MAPK14: variants seen among roughly 807,000 people sequenced by gnomAD.
The protein encoded by MAPK14 is CSAID-binding protein.
MAPK14 carries 16 observed loss-of-function variants against 49.6 expected under a neutral mutation model. The observed-to-expected ratio is 0.32, with a 90% CI of 0.22 to 0.49. The LOEUF (loss-of-function observed/expected upper bound fraction) is 0.49. Among genes scored for constraint, MAPK14 ranks in the 20% least tolerant of loss-of-function variants. The pLI is 0.99. For synonymous variants in MAPK14, 142 were observed against 158.0 expected (o/e 0.90, Z 0.76); for missense variants, 200 against 441.2 (o/e 0.45, Z 4.90).
intron 9 of MAPK14, chr6:36,096,605 G>A (rs1765454099): frequency 6.6e-6 from 1 of 152,340 alleles, no homozygotes; most frequent in Non-Finnish European, 1.5e-5. Context: ...CATATCCTAT[G>A]TAAAATGTTT....
intron 2 of MAPK14, among the ~76,000 whole-genome samples, chr6:36,055,917 T>C (rs925286070): frequency 5.3e-5 from 8 of 152,182 alleles, no homozygotes; most frequent in Non-Finnish European, 1.0e-4. Flanking sequence ...TGAGGGATAT[T>C]TTGTAAAAAC....
downstream of MAPK14, among the ~76,000 whole-genome samples, chr6:36,111,918 G>A (rs1765980639): frequency 6.6e-6 from 1 of 152,172 alleles, no homozygotes; most frequent in Non-Finnish European, 1.5e-5. Context: ...TTAAGAATCA[G>A]ACAGTTGGCC....
intron 9 of MAPK14, among the ~76,000 whole-genome samples, chr6:36,098,570 A>T (rs1305021750): frequency 6.6e-6 from 1 of 152,202 alleles, no homozygotes; most frequent in Non-Finnish European, 1.5e-5. Context: ...TAAATTAGAT[A>T]AAAAAGCGAA....
intron 7 of MAPK14, 98 bp downstream of exon 7, chr6:36,076,060 C>A: frequency 1.6e-6 from 2 of 1,252,322 alleles, no homozygotes; most frequent in East Asian, 2.5e-5. Context: ...GAAGAAATGT[C>A]TTTTCTTCCC....
intron 1 of MAPK14, among the ~76,000 whole-genome samples, chr6:36,051,575 A>G (rs28411277): frequency 1.3e-5 from 2 of 151,796 alleles, no homozygotes; most frequent in Non-Finnish European, 2.9e-5. Context: ...CCAGCATGCC[A>G]TACGTTTCCT....
intron 1 of MAPK14, among the ~76,000 whole-genome samples, chr6:36,043,451 T>G (rs1763045205): frequency 6.6e-6 from 1 of 152,244 alleles, no homozygotes. Flanking sequence ...AAGACGTTAT[T>G]TCCAAAATGG....
At chr6:36,085,550 C>T (rs1764946661) in intron 8 of MAPK14, among the ~76,000 whole-genome samples, 1 of 152,048 alleles carries the variant, frequency 6.6e-6, no homozygotes, top group African/African-American at 2.4e-5. Context: ...GACTTTGAAC[C>T]AGCAAATATC....
chr6:36,039,410 T>C (rs540262686), intron 1 of MAPK14, among the ~76,000 whole-genome samples: 1 of 152,290 alleles, frequency 6.6e-6, no homozygotes, highest in East Asian at 1.9e-4. Context: ...CTTATTTTCC[T>C]CAAAACTTAC....
Position 36,092,392 on chromosome 6 carries a change from T to C in MAPK14, c.683-3595T>C, listed in dbSNP as rs1765270333. On this transcript the variant is annotated intron_variant, in intron 8 of 11. Transcript: ENST00000229794. The stretch of plus-strand genomic sequence containing the variant: ...GGGAACTCTATGCAGTAGCCACCCA[T>C]TGGTGGTCAGGACTGTTTCACCAGA... 4 of 674,170 alleles carry C rather than the reference T, an allele frequency of 5.9e-6. No homozygotes were observed. The Middle Eastern group carries it at 7.8e-4, about 132-fold the overall frequency. The allele number at this position is 674,170 out of a possible 1,614,324, so 41.8% of individuals were successfully genotyped here.
At chr6:36,070,076 G>T (rs1324657441) in intron 3 of MAPK14, among the ~76,000 whole-genome samples, 1 of 152,156 alleles carries the variant, frequency 6.6e-6, no homozygotes, top group African/African-American at 2.4e-5. Context: ...CAGTAACTGT[G>T]ATTAGGACAG....
chr6:36,087,170 C>T (rs2127457843), intron 8 of MAPK14, among the ~76,000 whole-genome samples: 1 of 152,236 alleles, frequency 6.6e-6, no homozygotes, highest in East Asian at 1.9e-4. Flanking sequence ...TAAGACAAAC[C>T]CACAGCCAGT....
At chr6:36,063,818 G>T (rs185000787) in intron 3 of MAPK14, among the ~76,000 whole-genome samples, 143 of 152,276 alleles carry the variant, frequency 9.4e-4, no homozygotes, top group Non-Finnish European at 1.7e-3. Flanking sequence ...ACCATAGGAT[G>T]TGGTTGTACA....
downstream of MAPK14, among the ~76,000 whole-genome samples, chr6:36,115,448 G>T (rs1211422283): frequency 6.6e-6 from 1 of 152,154 alleles, no homozygotes; most frequent in Non-Finnish European, 1.5e-5. Context: ...AAAATATAAT[G>T]ATCCAATATA....
rs1239593864 is a variant in MAPK14 at position 36,075,780 on chromosome 6, G to T, written c.496-68G>T. On this transcript the variant is annotated intron_variant, in intron 6 of 11. Transcript: ENST00000229794. ...CAACAGAGGTTTGTTTGTTGTTGTTGTTTTGTTTTTTTTTCCCTGCCTGTT... is the reference window on the plus strand; with the variant it reads ...CAACAGAGGTTTGTTTGTTGTTGTTTTTTTGTTTTTTTTTCCCTGCCTGTT... 2.5e-6 allele frequency: 4 copies of T among 1,605,674 alleles called. No individual in the cohort carries two copies. In the Admixed American group the frequency reaches 6.7e-5, roughly 27 times the overall value.
chr6:36,122,972 G>C, the MAPK14 span, among the ~76,000 whole-genome samples: 1 of 152,162 alleles, frequency 6.6e-6, no homozygotes, highest in Non-Finnish European at 1.5e-5. Context: ...GGGGAAGCGG[G>C]TGGTGTGCAG....
intron 1 of MAPK14, among the ~76,000 whole-genome samples, chr6:36,033,176 A>T (rs1762607461): frequency 6.6e-6 from 1 of 152,212 alleles, no homozygotes; most frequent in African/African-American, 2.4e-5. Context: ...AGTTGCCTGT[A>T]TGTTACCAGT....
At chr6:36,111,879 G>T (rs564779553), downstream of MAPK14, among the ~76,000 whole-genome samples, 31 of 152,262 alleles carry the variant, frequency 2.0e-4, no homozygotes, top group African/African-American at 6.7e-4. Context: ...AAAGGGCCCC[G>T]GTTGTTACAT....
intron 8 of MAPK14, among the ~76,000 whole-genome samples, chr6:36,086,405 G>T (rs1764987245): frequency 6.6e-6 from 1 of 151,984 alleles, no homozygotes; most frequent in African/African-American, 2.4e-5. Context: ...AAATAAAATA[G>T]ACTCCTAGCT....
intron 10 of MAPK14, 47 bp downstream of exon 10, chr6:36,102,696 G>A: frequency 6.2e-7 from 1 of 1,607,262 alleles, no homozygotes; most frequent in Non-Finnish European, 8.5e-7. Flanking sequence ...AATTGGTTAT[G>A]ATATAAATTG....
Sources: allele counts gnomAD v4.1 joint callset (sites outside exome capture counted in the v4.1 genomes callset), GRCh38; gene constraint gnomAD v4.1.1; transcripts MANE v1.5; gene names NCBI Gene and HGNC (gene_info 2026-07-23, HGNC 2026-07-21).